Variants in PIGY observed in about 807,000 individuals in gnomAD.
The protein encoded by PIGY is phosphatidylinositol glycan anchor biosynthesis class Y.
A neutral mutation model predicts 4.1 loss-of-function variants in PIGY; 3 were observed. That is an observed-to-expected ratio of 0.73 (90% CI 0.33 to 1.89). The LOEUF (loss-of-function observed/expected upper bound fraction) is 1.89, where lower values mean the gene tolerates loss of function less well. Ranked by LOEUF, PIGY falls within the 40% of genes most tolerant of loss-of-function variation. The pLI, the probability that PIGY is intolerant of heterozygous loss-of-function variation, is 0.08. For synonymous variants in PIGY, 33 were observed against 31.4 expected (o/e 1.05, Z -0.18); for missense variants, 78 against 80.3 (o/e 0.97, Z 0.11).
chr4:88,521,233 T>C lies in PIGY; in HGVS notation c.*341A>G, dbSNP rs878863592. ...TTAACATGTGACTTTACCAAAGACC[T>C]TGAAGCTAAACAAACAAGCAAAACA... On this transcript the variant is annotated 3_prime_UTR_variant, in exon 2 of 2. Transcript: ENST00000527353. The C allele has an allele frequency of 4.3e-6, 1 of 230,040 alleles. No homozygotes were observed. Among genetic ancestry groups the C allele is most frequent in the South Asian group, 7.9e-5 (1 of 12,614 alleles). The allele number at this position is 230,040 out of a possible 1,614,324, so 14.2% of individuals were successfully genotyped here. A position where few individuals can be genotyped will look rare whatever the true frequency, so the allele number is the denominator to read the frequency against.
Position 88,523,751 on chromosome 4 carries a change from G to T in PIGY, c.-494C>A. The T allele has an allele frequency of 2.2e-6, 3 of 1,388,870 alleles. No individual in the cohort carries two copies. The highest frequency in any genetic ancestry group is 2.9e-5 in the East Asian group (1 of 34,292). The allele number at this position is 1,388,870 out of a possible 1,614,324, so 86.0% of individuals were successfully genotyped here. A position where few individuals can be genotyped will look rare whatever the true frequency, so the allele number is the denominator to read the frequency against. On this transcript the variant is annotated 5_prime_UTR_variant, in exon 1 of 2. Transcript: ENST00000527353. ...CACCGCAGCCTCGCCACCCGTGGCC[G>T]AGCTCCCGGCTTCCCGTTCGTCCAG...
chr4:88,521,956 T>C lies in PIGY; in HGVS notation c.-167A>G. 6.4e-7 allele frequency: 1 copy of C among 1,551,490 alleles called. No individual in the cohort carries two copies. The highest frequency in any genetic ancestry group is 1.7e-4 in the Middle Eastern group (1 of 5,990). ...ATCCTAGCTGCCTGTGGTATCATAT[T>C]AGGGATCCCATCAATGATTGGATAA... On this transcript the variant is annotated 5_prime_UTR_variant, in exon 2 of 2. Coordinates refer to ENST00000527353, the MANE Select transcript of PIGY (RefSeq NM_001042616.3).
In PIGY at chr4:88,521,954, A is replaced by G. The variant is rs771802585; in HGVS notation, c.-165T>C. ...TCATCCTAGCTGCCTGTGGTATCAT[A>G]TTAGGGATCCCATCAATGATTGGAT... On this transcript the variant is annotated 5_prime_UTR_variant, in exon 2 of 2. Coordinates refer to ENST00000527353, the MANE Select transcript of PIGY (RefSeq NM_001042616.3). 1 of 1,551,526 alleles carries G rather than the reference A, an allele frequency of 6.4e-7. No individual in the cohort carries two copies. The highest frequency in any genetic ancestry group is 1.2e-5 in the South Asian group (1 of 84,030).
intron 1 of PIGY, among the ~76,000 whole-genome samples, chr4:88,523,162 T>C (rs1412645270): frequency 6.6e-6 from 1 of 151,854 alleles, no homozygotes; most frequent in African/African-American, 2.4e-5. Flanking sequence ...CCGCGAGCAT[T>C]CCAAGTCTGC....
chr4:88,523,197 C>T (rs1742440505), intron 1 of PIGY, among the ~76,000 whole-genome samples: 1 of 152,186 alleles, frequency 6.6e-6, no homozygotes, highest in African/African-American at 2.4e-5. Context: ...GTCGGGGAAT[C>T]GGCATTTTTA....
At chr4:88,522,081 G>C (rs1021920002) in intron 1 of PIGY, 52 bp from the exon 2 acceptor site, 11 of 1,477,304 alleles carry the variant, frequency 7.4e-6, no homozygotes, top group African/African-American at 2.8e-5. Flanking sequence ...TAAAATGCTT[G>C]AAGAGCCTGA....
In PIGY at chr4:88,521,512, C is replaced by G. The variant is rs1235848975; in HGVS notation, c.*62G>C. 7.0e-7 allele frequency: 1 copy of G among 1,427,290 alleles called. No homozygotes were observed. The highest frequency in any genetic ancestry group is 9.7e-7 in the Non-Finnish European group (1 of 1,028,522). 88.4% of individuals were successfully genotyped at this position (1,427,290 alleles called of 1,614,324 possible). On this transcript the variant is annotated 3_prime_UTR_variant, in exon 2 of 2. Coordinates refer to ENST00000527353, the MANE Select transcript of PIGY (RefSeq NM_001042616.3). ...GCAAACTAAATTCCATCCATTTGAGCTTTCAGAGATCGATGCCCAAGAGCT... is the reference window on the plus strand; with the variant it reads ...GCAAACTAAATTCCATCCATTTGAGGTTTCAGAGATCGATGCCCAAGAGCT...
chr4:88,521,871 T>A lies in PIGY; in HGVS notation c.-82A>T, dbSNP rs1436587664. ...AAAGTTGGCTGTTGCGTTTTTTTAA[T>A]TTTTTTAAATTATGAACTAGCGCTG... On this transcript the variant is annotated 5_prime_UTR_variant, in exon 2 of 2. Coordinates refer to ENST00000527353, the MANE Select transcript of PIGY (RefSeq NM_001042616.3). 6.5e-7 allele frequency: 1 copy of A among 1,541,190 alleles called. No homozygotes were observed. The highest frequency in any genetic ancestry group is 8.7e-7 in the Non-Finnish European group (1 of 1,144,608).
chr4:88,521,265 C>T lies in PIGY; in HGVS notation c.*309G>A. ...TAAACAAACAAGCAAAACAAAATTT[C>T]AATGACTCTTAGATGAATGGAATAA... On this transcript the variant is annotated 3_prime_UTR_variant, in exon 2 of 2. Coordinates refer to ENST00000527353, the MANE Select transcript of PIGY (RefSeq NM_001042616.3). The T allele has an allele frequency of 3.8e-6, 1 of 263,606 alleles. No individual in the cohort carries two copies. Among genetic ancestry groups the T allele is most frequent in the Non-Finnish European group, 7.3e-6 (1 of 137,656 alleles). 16.3% of individuals were successfully genotyped at this position (263,606 alleles called of 1,614,324 possible).
Position 88,521,372 on chromosome 4 carries a change from T to A in PIGY, c.*202A>T, listed in dbSNP as rs1056287488. On this transcript the variant is annotated 3_prime_UTR_variant, in exon 2 of 2. Transcript: ENST00000527353. The stretch of plus-strand genomic sequence containing the variant: ...AATGTTTCTTCTGATACAGCAGTTA[T>A]AAGTCAGAGCCTTCAAAAAACAAGG... 3.6e-6 allele frequency: 2 copies of A among 556,762 alleles called. No homozygotes were observed. Among genetic ancestry groups the A allele is most frequent in the South Asian group, 2.5e-5 (1 of 40,098 alleles). 34.5% of individuals were successfully genotyped at this position (556,762 alleles called of 1,614,324 possible). A position where few individuals can be genotyped will look rare whatever the true frequency, so the allele number is the denominator to read the frequency against.
chr4:88,521,876 T>A lies in PIGY; in HGVS notation c.-87A>T. Reference sequence around the variant, plus strand: ...TGGCTGTTGCGTTTTTTTAATTTTTTTAAATTATGAACTAGCGCTGCTCCA... The same window carrying A: ...TGGCTGTTGCGTTTTTTTAATTTTTATAAATTATGAACTAGCGCTGCTCCA... On this transcript the variant is annotated 5_prime_UTR_variant, in exon 2 of 2. Coordinates refer to ENST00000527353, the MANE Select transcript of PIGY (RefSeq NM_001042616.3). The A allele has an allele frequency of 6.5e-7, 1 of 1,541,084 alleles. No homozygotes were observed.
chr4:88,522,053 A>C (rs1355989961), intron 1 of PIGY, 24 bp from the exon 2 acceptor site: 2 of 1,518,418 alleles, frequency 1.3e-6, no homozygotes, highest in East Asian at 4.9e-5. Flanking sequence ...AAAAAGAACA[A>C]AATGAGTTGT....
rs1742371367 is a variant in PIGY at position 88,521,642 on chromosome 4, T to C, written c.148A>G (p.Thr50Ala). The C allele has an allele frequency of 1.2e-6, 2 of 1,613,858 alleles. No individual in the cohort carries two copies. Among genetic ancestry groups the C allele is most frequent in the African/African-American group, 1.3e-5 (1 of 74,928 alleles). Residue 50 changes from threonine (T) to alanine (A), a missense_variant, in exon 2 of 2, where the codon ACC becomes GCC. Coordinates refer to ENST00000527353, the MANE Select transcript of PIGY (RefSeq NM_001042616.3). The part of the protein sequence containing the change: ...LCFYSLLLPI[T>A]IPVYVFFHLW... ...TGGAAGAATACATACACTGGTATGG[T>C]AATAGGCAAGAGCAGGCTGTAAAAG... is the stretch of plus-strand genomic sequence containing the variant.
rs1464779001 is a variant in PIGY, at chr4:88,521,966, A to T, written c.-177T>A. 1 of 1,551,406 alleles carries T rather than the reference A, an allele frequency of 6.4e-7. No individual in the cohort carries two copies. Among genetic ancestry groups the T allele is most frequent in the Non-Finnish European group, 8.7e-7 (1 of 1,146,902 alleles). ...CCTGTGGTATCATATTAGGGATCCC[A>T]TCAATGATTGGATAAGCTATTCCCA... On this transcript the variant is annotated 5_prime_UTR_variant, in exon 2 of 2. The change abolishes an upstream ATG in the 5' untranslated region. Transcript: ENST00000527353.
rs1742374425 is a variant in PIGY at position 88,521,730 on chromosome 4, C to T, written c.60G>A (p.Leu20=). Residue 20 remains leucine (L), a synonymous_variant, in exon 2 of 2, where the codon CTG becomes CTA. Coordinates refer to ENST00000527353, the MANE Select transcript of PIGY (RefSeq NM_001042616.3). ...TTTCTTCCACAGAGGCTGAGTAGAA[C>T]AGTCCTGCTAAAGAAACCAGTGGAA... is the stretch of plus-strand genomic sequence containing the variant. ...VLIPLVSLAG[L]FYSASVEENF... The T allele has an allele frequency of 6.2e-7, 1 of 1,613,876 alleles. No individual in the cohort carries two copies. Among genetic ancestry groups the T allele is most frequent in the Non-Finnish European group, 8.5e-7 (1 of 1,179,856 alleles).
In PIGY at chr4:88,523,514, A is replaced by T. The variant is rs1364646815; in HGVS notation, c.-257T>A. 1 of 1,551,100 alleles carries T rather than the reference A, an allele frequency of 6.4e-7. No individual in the cohort carries two copies. Among genetic ancestry groups the T allele is most frequent in the Non-Finnish European group, 8.7e-7 (1 of 1,146,856 alleles). On this transcript the variant is annotated 5_prime_UTR_variant, in exon 1 of 2. Coordinates refer to ENST00000527353, the MANE Select transcript of PIGY (RefSeq NM_001042616.3). ...GCGAGTTACCTGAGCGGCTTCTTGG[A>T]GAGCGGGCACACCAGGAACTCCAGC...
At chr4:88,522,123 T>C in intron 1 of PIGY, 94 bp from the exon 2 acceptor site, 5 of 1,215,452 alleles carry the variant, frequency 4.1e-6, no homozygotes, top group Non-Finnish European at 5.6e-6. Flanking sequence ...TATCCAATTT[T>C]TGGTACGGAG....
At chr4:88,523,399 C>G (rs879232901) in intron 1 of PIGY, 99 bp downstream of exon 1, 1 of 1,254,576 alleles carries the variant, frequency 8.0e-7, no homozygotes, top group South Asian at 1.3e-5. Context: ...AGTACCTGAC[C>G]GACCTACAAG....
chr4:88,523,589 C>G lies in PIGY; in HGVS notation c.-332G>C. On this transcript the variant is annotated 5_prime_UTR_variant, in exon 1 of 2. Coordinates refer to ENST00000527353, the MANE Select transcript of PIGY (RefSeq NM_001042616.3). Reference sequence around the variant, plus strand: ...GGCTCCTCAGTCTTCTTGCCCCGGTCGGCCAAAGGCCGCGACCCCGACGCG... The same window carrying G: ...GGCTCCTCAGTCTTCTTGCCCCGGTGGGCCAAAGGCCGCGACCCCGACGCG... The G allele has an allele frequency of 6.5e-7, 1 of 1,549,590 alleles. No individual in the cohort carries two copies. Among genetic ancestry groups the G allele is most frequent in the Non-Finnish European group, 8.7e-7 (1 of 1,146,768 alleles).
Sources: gnomAD v4.1 joint callset for allele counts (sites outside exome capture counted in the v4.1 genomes callset) on GRCh38, gnomAD v4.1.1 for gene constraint, MANE v1.5 for transcripts, NCBI Gene and HGNC (gene_info 2026-07-23, HGNC 2026-07-21) for gene names.